Variants in ZNF462 observed in about 807,000 individuals in gnomAD.
ZNF462 encodes zinc finger protein 462, also known as zinc finger PBX1-interacting protein.
Under a neutral mutation model 201.9 loss-of-function variants are expected in ZNF462, and 10 were observed. The ratio of observed to expected loss-of-function variants is 0.05; its 90% CI spans 0.03 to 0.08. The LOEUF is 0.08. Among genes scored for constraint, ZNF462 ranks in the 10% least tolerant of loss-of-function variants. The pLI is 1.00. For synonymous variants in ZNF462, 1,227 were observed against 1,193.3 expected (o/e 1.03, Z -0.58); for missense variants, 2,523 against 3,168.3 (o/e 0.80, Z 4.89).
chr9:106,971,462 A>G (rs1510285), intron 7 of ZNF462, among the ~76,000 whole-genome samples: 28,616 of 151,762 alleles, frequency 0.19, 3,577 homozygotes, highest in African/African-American at 0.36. Context: ...ATTTTTAAAT[A>G]CCATGAGCCC....
In ZNF462 at chr9:106,926,350, C is replaced by G. The variant is rs201447005; in HGVS notation, c.2438C>G (p.Ser813Cys). ...SSTNLKDHQV[S>C]NTALLNTQTP... ...ACAAACTTGAAAGATCACCAAGTTT[C>G]CAATACTGCTCTGCTGAATACCCAA... The change falls in exon 3 of 13, where the codon TCC becomes TGC. Residue 813 changes from serine to cysteine, a missense_variant. Around this residue, in one of 15 missense-constraint regions of ZNF462, gnomAD observed 383 missense variants for 453.4 expected, o/e 0.84. Transcript: ENST00000277225. This position sits in a 1 kb window ranked among gnomAD's most constrained non-coding sequence, Gnocchi z 7.9. 1.2e-6 allele frequency: 2 copies of G among 1,614,158 alleles called. No individual in the cohort carries two copies. Among genetic ancestry groups the G allele is most frequent in the African/African-American group, 2.7e-5 (2 of 75,018 alleles).
At chr9:106,964,541 C>T (rs1166490081) in intron 7 of ZNF462, among the ~76,000 whole-genome samples, 1 of 152,038 alleles carries the variant, frequency 6.6e-6, no homozygotes, top group Non-Finnish European at 1.5e-5. Context: ...TTGTGTGTTA[C>T]TTCCAGTTTC....
rs953427112 is a variant in ZNF462, at chr9:106,886,755, A to G, written c.-31+23400A>G. 6.6e-6 allele frequency among the ~76,000 whole-genome samples: 1 copy of G among 152,186 alleles called. No homozygotes were observed. Among genetic ancestry groups the G allele is most frequent in the Non-Finnish European group, 1.5e-5 (1 of 68,038 alleles). On this transcript the variant is annotated intron_variant, in intron 1 of 12. Transcript: ENST00000277225. This position sits in a 1 kb window ranked among gnomAD's most constrained non-coding sequence, Gnocchi z 4.6. ...TATCAGTTTTCTGCCCTGGTGATCC[A>G]TGCTTATTCCACTACAACAGTGTTG...
At position 106,930,781 on chromosome 9, in the gene ZNF462, C is replaced by A. The variant is rs549439671; in HGVS notation, c.6012+92C>A. ...CCTAAAGCAGCTCAGGAAAGAGCATCTCAGAATGCGGGCATTCCTGAATTA... is the reference window on the plus strand; with the variant it reads ...CCTAAAGCAGCTCAGGAAAGAGCATATCAGAATGCGGGCATTCCTGAATTA... On this transcript the variant is annotated intron_variant, in intron 4 of 12. Coordinates refer to ENST00000277225, the MANE Select transcript of ZNF462 (RefSeq NM_021224.6). This position sits in a 1 kb window ranked among gnomAD's most constrained non-coding sequence, Gnocchi z 5.8. 7.5e-6 allele frequency: 11 copies of A among 1,472,950 alleles called. No individual in the cohort carries two copies. The highest frequency in any genetic ancestry group is 1.0e-5 in the Non-Finnish European group (11 of 1,080,664). The allele number at this position is 1,472,950 out of a possible 1,614,324, so 91.2% of individuals were successfully genotyped here. A position where few individuals can be genotyped will look rare whatever the true frequency, so the allele number is the denominator to read the frequency against.
Position 107,010,691 on chromosome 9 carries a change from G to A in ZNF462, c.7314-132G>A, listed in dbSNP as rs1829883378. On this transcript the variant is annotated intron_variant, in intron 12 of 12. Transcript: ENST00000277225. The surrounding 1 kb of genome is among the most constrained non-coding windows in gnomAD (Gnocchi z 4.6). The stretch of plus-strand genomic sequence containing the variant: ...ATTTTGTCATACACCCATGGCATTT[G>A]TTCAAAGGAAACCCCAAGGCTTTTT... The A allele has an allele frequency of 5.9e-6, 5 of 840,604 alleles. No homozygotes were observed. In the South Asian group the frequency reaches 9.9e-5, roughly 17 times the overall value. 52.1% of individuals were successfully genotyped at this position (840,604 alleles called of 1,614,324 possible).
chr9:106,895,746 G>A lies in ZNF462; in HGVS notation c.-30-27608G>A, dbSNP rs1444277199. Reference sequence around the variant, plus strand: ...TATGTTAGTTCTAGTGACCTGTGCTGATTGCTAGCTTTCAAGAACATTCAT... The same window carrying A: ...TATGTTAGTTCTAGTGACCTGTGCTAATTGCTAGCTTTCAAGAACATTCAT... On this transcript the variant is annotated intron_variant, in intron 1 of 12. Coordinates refer to ENST00000277225, the MANE Select transcript of ZNF462 (RefSeq NM_021224.6). This position sits in a 1 kb window ranked among gnomAD's most constrained non-coding sequence, Gnocchi z 4.4. Among the ~76,000 whole-genome samples the A allele has an allele frequency of 6.6e-6, 1 of 152,160 alleles. No individual in the cohort carries two copies. The highest frequency in any genetic ancestry group is 1.5e-5 in the Non-Finnish European group (1 of 68,036).
At chr9:106,897,544 A>T (rs1828864410) in intron 1 of ZNF462, among the ~76,000 whole-genome samples, 2 of 151,932 alleles carry the variant, frequency 1.3e-5, no homozygotes, top group South Asian at 4.1e-4. Context: ...TTCAGTTGTG[A>T]TGCTTCTCAT....
At chr9:106,862,529 TCTC>T (rs1827100753), upstream of ZNF462, among the ~76,000 whole-genome samples, 2 of 151,936 alleles carry the variant, frequency 1.3e-5, no homozygotes, top group Admixed American at 6.5e-5. The surrounding 1 kb of genome is among the most constrained non-coding windows in gnomAD (Gnocchi z 4.2). Flanking sequence ...CTCTTCCCCT[TCTC>T]CTTCTCCTTT....
At chr9:106,909,266 C>T (rs926749074) in intron 1 of ZNF462, among the ~76,000 whole-genome samples, 5 of 149,046 alleles carry the variant, frequency 3.4e-5, no homozygotes, top group African/African-American at 1.3e-4. Flanking sequence ...TCCTCTAAAG[C>T]TTTTTCACTT....
In ZNF462 at chr9:106,928,224, C is replaced by T. The variant is rs914891308; in HGVS notation, c.4312C>T (p.Pro1438Ser). ...NCENSIPTPF[P>S]EQEAECPEDA... ...TGAAAACAGTATACCCACCCCTTTC[C>T]CGGAGCAGGAAGCTGAATGTCCAGA... Residue 1438 changes from proline (P) to serine (S), a missense_variant, in exon 3 of 13, where the codon CCG (proline) becomes TCG (serine). Pro to Ser is a moderately conservative substitution (Grantham distance 74, BLOSUM62 -1). This residue lies in a region of ZNF462 where 165 missense variants were observed against 142.6 expected (regional missense o/e 1.16). Transcript: ENST00000277225. This position sits in a 1 kb window ranked among gnomAD's most constrained non-coding sequence, Gnocchi z 9.3. 3.1e-6 allele frequency: 5 copies of T among 1,614,008 alleles called. No individual in the cohort carries two copies. The African/African-American group carries it at 4.0e-5, about 13-fold the overall frequency.
intron 1 of ZNF462, among the ~76,000 whole-genome samples, chr9:106,863,700 C>T (rs909253120): frequency 2.6e-5 from 4 of 151,646 alleles, no homozygotes; most frequent in African/African-American, 9.7e-5. Flanking sequence ...GGGGAGTGAG[C>T]GCGGTGGCTT....
intron 7 of ZNF462, among the ~76,000 whole-genome samples, chr9:106,947,251 C>A (rs1831150691): frequency 6.6e-6 from 1 of 152,180 alleles, no homozygotes; most frequent in South Asian, 2.1e-4. Context: ...AGTTTCATTT[C>A]CCAGCACACT....
At chr9:106,975,010 T>G (rs1826892333) in intron 9 of ZNF462, 1 of 152,240 alleles carries the variant, frequency 6.6e-6, no homozygotes, top group Non-Finnish European at 1.5e-5. Flanking sequence ...CGGTCTTTCT[T>G]TGAGTTGCAT....
At chr9:106,983,190 A>T (rs1429782914) in intron 9 of ZNF462, among the ~76,000 whole-genome samples, 1 of 152,210 alleles carries the variant, frequency 6.6e-6, no homozygotes, top group Non-Finnish European at 1.5e-5. Context: ...TGAGCAGTTA[A>T]ACACAAGGGT....
rs1023501427 is a variant in ZNF462 at position 106,954,815 on chromosome 9, G to A, written c.6427+15708G>A. 1.3e-5 allele frequency among the ~76,000 whole-genome samples: 2 copies of A among 152,110 alleles called. No individual in the cohort carries two copies. The highest frequency in any genetic ancestry group is 2.4e-5 in the African/African-American group (1 of 41,422). On this transcript the variant is annotated intron_variant, in intron 7 of 12. Transcript: ENST00000277225. The surrounding 1 kb of genome is among the most constrained non-coding windows in gnomAD (Gnocchi z 4.0). ...TGTGCCCTACCTCTCTTAAGAACAT[G>A]TAGTTCAGTCTACTGACTCCATAAT... is the stretch of plus-strand genomic sequence containing the variant.
In ZNF462 at chr9:107,007,758, C is replaced by T. The variant is rs769370542; in HGVS notation, c.7190-1787C>T. Among the ~76,000 whole-genome samples the T allele has an allele frequency of 2.6e-4, 39 of 152,172 alleles. 1 individual carries two copies. Among genetic ancestry groups the T allele is most frequent in the Non-Finnish European group, 5.1e-4 (35 of 68,028 alleles). On this transcript the variant is annotated intron_variant, in intron 11 of 12. Coordinates refer to ENST00000277225, the MANE Select transcript of ZNF462 (RefSeq NM_021224.6). ...GGAGCAGAGGGCAGGAGGTGGCTTG[C>T]GTGCAGCTCTCAGGCTGGTGGAGAG...
chr9:107,009,466 G>T lies in ZNF462; in HGVS notation c.7190-79G>T, dbSNP rs1829793356. On this transcript the variant is annotated intron_variant, in intron 11 of 12. Coordinates refer to ENST00000277225, the MANE Select transcript of ZNF462 (RefSeq NM_021224.6). The surrounding 1 kb of genome is among the most constrained non-coding windows in gnomAD (Gnocchi z 6.1). The stretch of plus-strand genomic sequence containing the variant: ...CTTTATCAGTGAAGGTAGGAGAGAG[G>T]GTATCCTAATGAATGCTGACTTACC... The T allele has an allele frequency of 6.4e-7, 1 of 1,570,890 alleles. No individual in the cohort carries two copies. The highest frequency in any genetic ancestry group is 8.7e-7 in the Non-Finnish European group (1 of 1,149,804).
Position 106,890,719 on chromosome 9 carries a change from T to C in ZNF462, c.-31+27364T>C, listed in dbSNP as rs1344112853. 6.6e-6 allele frequency among the ~76,000 whole-genome samples: 1 copy of C among 152,196 alleles called. No homozygotes were observed. The highest frequency in any genetic ancestry group is 2.4e-5 in the African/African-American group (1 of 41,452). ...GTCATTCCCTGCCTTTGTCCTCTGC[T>C]CTAAGGCTCATGTCACTCGCATCAT... On this transcript the variant is annotated intron_variant, in intron 1 of 12. Transcript: ENST00000277225. The surrounding 1 kb of genome is among the most constrained non-coding windows in gnomAD (Gnocchi z 4.2).
Position 106,925,848 on chromosome 9 carries a change from G to A in ZNF462, c.1936G>A (p.Asp646Asn), listed in dbSNP as rs1251554508. 1.9e-6 allele frequency: 3 copies of A among 1,614,160 alleles called. No individual in the cohort carries two copies. Among genetic ancestry groups the A allele is most frequent in the Non-Finnish European group, 2.5e-6 (3 of 1,180,040 alleles). ...AAGCCTACCATTGGAAAATGAGACAGACAGCCACCCCTCTTCCAGCAACAC... is the reference window on the plus strand; with the variant it reads ...AAGCCTACCATTGGAAAATGAGACAAACAGCCACCCCTCTTCCAGCAACAC... ...PSSLPLENET[D>N]SHPSSSNTVK... is the part of the protein sequence containing the mutation. Residue 646 changes from aspartate (D) to asparagine (N), a missense_variant, in exon 3 of 13, where the codon GAC becomes AAC. Transcript: ENST00000277225. This position sits in a 1 kb window ranked among gnomAD's most constrained non-coding sequence, Gnocchi z 7.9.
Sources: gnomAD v4.1 joint callset for allele counts (sites outside exome capture counted in the v4.1 genomes callset) on GRCh38, gnomAD v4.1.1 for gene constraint, gnomAD v4.1.1 regional missense constraint, Gnocchi (gnomAD v3.1) non-coding constraint, MANE v1.5 for transcripts, NCBI Gene and HGNC (gene_info 2026-07-23, HGNC 2026-07-21) for gene names.